Variants in SYN3 observed in about 807,000 individuals in gnomAD.
SYN3 encodes the protein synapsin-3.
Under a neutral mutation model 65.8 loss-of-function variants are expected in SYN3, and 35 were observed. The observed-to-expected ratio is 0.53, with a 90% CI of 0.41 to 0.70. The LOEUF is 0.70. SYN3 is among the 30% of genes least tolerant of loss of function. SYN3 has a pLI of 0.00. For missense variants in SYN3, 680 were observed against 749.0 expected (o/e 0.91, Z 1.08); for synonymous variants, 270 against 292.9 (o/e 0.92, Z 0.80).
chr22:33,026,039 C>T (rs916047892), intron 1 of SYN3, among the ~76,000 whole-genome samples: 23 of 152,280 alleles, frequency 1.5e-4, no homozygotes, highest in African/African-American at 4.8e-4. Flanking sequence ...TGAGAGGAGA[C>T]CTGGACTCAA....
chr22:32,957,026 C>A (rs1370185739), intron 3 of SYN3, among the ~76,000 whole-genome samples: 1 of 152,132 alleles, frequency 6.6e-6, no homozygotes, highest in African/African-American at 2.4e-5. Flanking sequence ...GGGTCAGGAA[C>A]AAGGTCAGGG....
chr22:32,986,160 TAAGG>T (rs911123933), intron 2 of SYN3, among the ~76,000 whole-genome samples: 2 of 151,904 alleles, frequency 1.3e-5, no homozygotes, highest in Non-Finnish European at 2.9e-5. Flanking sequence ...GCTGACCGGG[TAAGG>T]AAATACTGTC....
chr22:32,899,124 C>CAAAACAAAACAAAACAAAACAAAACAAT (rs1491045988), intron 4 of SYN3, among the ~76,000 whole-genome samples: 3 of 4,212 alleles, frequency 7.1e-4, no homozygotes, highest in Admixed American at 6.0e-3. Flanking sequence ...AACAAAACAA[C>CAAAACAAAACAAAACAAAACAAAACAAT]GAAAAAAATG....
chr22:33,007,896 C>A (rs1197495513), intron 1 of SYN3, among the ~76,000 whole-genome samples: 1 of 152,044 alleles, frequency 6.6e-6, no homozygotes, highest in African/African-American at 2.4e-5. Context: ...CTATTTAAAC[C>A]ATGGAATTAG....
chr22:32,782,155 G>C (rs543801419), intron 6 of SYN3, among the ~76,000 whole-genome samples: 18 of 149,958 alleles, frequency 1.2e-4, no homozygotes, highest in African/African-American at 4.2e-4. Flanking sequence ...TGCAAACTCT[G>C]CCTCCTGGTT....
At chr22:33,034,494 C>T (rs937525297) in intron 1 of SYN3, among the ~76,000 whole-genome samples, 3 of 152,024 alleles carry the variant, frequency 2.0e-5, no homozygotes, top group Non-Finnish European at 4.4e-5. Flanking sequence ...GATCTGCCCA[C>T]CTCGGCCTCC....
chr22:32,661,949 A>G lies in SYN3; in HGVS notation c.712-65213T>C, dbSNP rs1001990993. 1.3e-3 allele frequency among the ~76,000 whole-genome samples: 201 copies of G among 152,322 alleles called. 2 individuals carry two copies. Among genetic ancestry groups the G allele is most frequent in the African/African-American group, 4.0e-3 (165 of 41,568 alleles). ...GTCAGGAAATGTAGTTTGACAAAGG[A>G]TAATTTTTTTCCATGGAATGTGACA... On this transcript the variant is annotated intron_variant, in intron 6 of 13. Transcript: ENST00000358763.
At chr22:33,037,570 T>A (rs2053883341) in intron 1 of SYN3, among the ~76,000 whole-genome samples, 1 of 152,246 alleles carries the variant, frequency 6.6e-6, no homozygotes, top group Non-Finnish European at 1.5e-5. Context: ...TTCCCTGCAC[T>A]CTCTCTAGTG....
chr22:32,922,716 T>C (rs961865041), intron 4 of SYN3, among the ~76,000 whole-genome samples: 5 of 152,128 alleles, frequency 3.3e-5, no homozygotes, highest in African/African-American at 9.7e-5. Context: ...GCAGAAAACA[T>C]GTGCCTTTCA....
chr22:32,986,200 C>T (rs1256819498), intron 2 of SYN3, among the ~76,000 whole-genome samples: 4 of 152,158 alleles, frequency 2.6e-5, no homozygotes, highest in Admixed American at 2.0e-4. Flanking sequence ...CCTGGAGACA[C>T]TTGACTGCCA....
rs561848039 is a variant in SYN3, at chr22:32,566,249, C to G, written c.775-24536G>C. 1.9e-3 allele frequency among the ~76,000 whole-genome samples: 285 copies of G among 152,250 alleles called. 1 individual carries two copies. Among genetic ancestry groups the G allele is most frequent in the African/African-American group, 6.6e-3 (275 of 41,534 alleles). On this transcript the variant is annotated intron_variant, in intron 7 of 13. Transcript: ENST00000358763. ...ATGTTCTCTTTTTTGTAACTCTAGTCTTGGAATTGGGTGTGTATTTTATAC... is the reference window on the plus strand; with the variant it reads ...ATGTTCTCTTTTTTGTAACTCTAGTGTTGGAATTGGGTGTGTATTTTATAC...
At chr22:32,866,847 T>G (rs761845794) in intron 5 of SYN3, among the ~76,000 whole-genome samples, 36 of 152,190 alleles carry the variant, frequency 2.4e-4, no homozygotes, top group Non-Finnish European at 4.1e-4. Flanking sequence ...AGCCATTCAG[T>G]AAGTACTGAG....
At chr22:32,545,470 C>T (rs2058323277) in intron 7 of SYN3, among the ~76,000 whole-genome samples, 1 of 152,112 alleles carries the variant, frequency 6.6e-6, no homozygotes, top group Admixed American at 6.6e-5. Flanking sequence ...CTCTGGGAAC[C>T]CTTCTCTTCT....
At chr22:32,655,104 G>T (rs1452396455) in intron 6 of SYN3, among the ~76,000 whole-genome samples, 2 of 152,214 alleles carry the variant, frequency 1.3e-5, no homozygotes, top group Admixed American at 6.5e-5. Flanking sequence ...CAAGGTGATG[G>T]TATGAAGAGA....
chr22:32,915,798 T>G (rs1486855210), intron 4 of SYN3, among the ~76,000 whole-genome samples: 1 of 152,292 alleles, frequency 6.6e-6, no homozygotes, highest in East Asian at 1.9e-4. Flanking sequence ...TTGTAGAGTT[T>G]TAAACATGCA....
intron 7 of SYN3, among the ~76,000 whole-genome samples, chr22:32,592,000 T>C (rs1456215422): frequency 6.6e-6 from 1 of 152,308 alleles, no homozygotes; most frequent in South Asian, 2.1e-4. Flanking sequence ...TTCTACTTCA[T>C]AGTGGCCCCC....
chr22:32,511,903 A>T lies in SYN3; in HGVS notation c.*1789T>A, dbSNP rs975147704. 1.3e-5 allele frequency among the ~76,000 whole-genome samples: 2 copies of T among 152,200 alleles called. No individual in the cohort carries two copies. Among genetic ancestry groups the T allele is most frequent in the Non-Finnish European group, 2.9e-5 (2 of 68,042 alleles). ...CTTGCTCTTAAATCCAGACCTGATCATGAGTGAGGGAAGAGGGCAATGTGA... is the reference window on the plus strand; with the variant it reads ...CTTGCTCTTAAATCCAGACCTGATCTTGAGTGAGGGAAGAGGGCAATGTGA... On this transcript the variant is annotated 3_prime_UTR_variant, in exon 14 of 14. Coordinates refer to ENST00000358763, the MANE Select transcript of SYN3 (RefSeq NM_003490.4).
chr22:32,840,657 C>G (rs1291139861), intron 6 of SYN3, among the ~76,000 whole-genome samples: 1 of 152,150 alleles, frequency 6.6e-6, no homozygotes, highest in Non-Finnish European at 1.5e-5. Context: ...GCCCCCCACC[C>G]AGATCAGATC....
intron 7 of SYN3, among the ~76,000 whole-genome samples, chr22:32,567,626 T>C (rs928971401): frequency 2.6e-5 from 4 of 152,130 alleles, no homozygotes; most frequent in African/African-American, 7.2e-5. Context: ...CATGGTCTAC[T>C]GTGTGGTCGG....
Sources: allele counts gnomAD v4.1 joint callset (sites outside exome capture counted in the v4.1 genomes callset), GRCh38; gene constraint gnomAD v4.1.1; transcripts MANE v1.5; gene names NCBI Gene and HGNC (gene_info 2026-07-23, HGNC 2026-07-21).